MTCL1: variants seen among roughly 807,000 people sequenced by gnomAD.
MTCL1 encodes microtubule crosslinking factor 1.
MTCL1 carries 79 observed loss-of-function variants against 141.4 expected under a neutral mutation model. That is an observed-to-expected ratio of 0.56 (90% confidence interval 0.47 to 0.67). The LOEUF (loss-of-function observed/expected upper bound fraction) is 0.67, where lower values mean the gene tolerates loss of function less well. MTCL1 is among the 30% of genes least tolerant of loss of function. The probability of loss-of-function intolerance (pLI) is 0.00; values close to 1 mark genes in which losing one functional copy is unlikely to be tolerated. For synonymous variants in MTCL1, 914 were observed against 875.8 expected (o/e 1.04, Z -0.77); for missense variants, 2,177 against 2,113.9 (o/e 1.03, Z -0.59).
intron 14 of MTCL1, among the ~76,000 whole-genome samples, chr18:8,823,801 G>A (rs553906094): frequency 1.9e-4 from 29 of 152,280 alleles, no homozygotes; most frequent in South Asian, 4.2e-4. Flanking sequence ...GTGTACCAGC[G>A]CACACGGTAC....
chr18:8,706,272 C>G, exon 1 of MTCL1: 1 of 1,229,378 alleles, frequency 8.1e-7, no homozygotes, highest in Non-Finnish European at 1.0e-6. Flanking sequence ...CGCGCATCAG[C>G]CACACGGACA....
At chr18:8,735,915 T>A (rs901749140) in intron 4 of MTCL1, among the ~76,000 whole-genome samples, 1 of 152,180 alleles carries the variant, frequency 6.6e-6, no homozygotes, top group African/African-American at 2.4e-5. Flanking sequence ...ATATATATTT[T>A]TTTTAACCAA....
chr18:8,825,526 T>C lies in MTCL1; in HGVS notation c.4016T>C (p.Val1339Ala). The C allele has an allele frequency of 8.1e-6, 13 of 1,612,208 alleles. No homozygotes were observed. In the South Asian group the frequency reaches 1.4e-4, roughly 18 times the overall value. Residue 1339 changes from valine to alanine, a missense_variant, in exon 15 of 17, where the codon GTC becomes GCC. By Grantham distance (64) the Val-to-Ala change is moderately conservative. Coordinates refer to ENST00000359865, the Ensembl canonical transcript of MTCL1. ...ACTGAAGCCCTGCGTGGCAGCGGTG[T>C]CACCAGCAGCCCCCACAAGTGTCTC...
intron 4 of MTCL1, among the ~76,000 whole-genome samples, chr18:8,762,072 A>G (rs2096435149): frequency 6.6e-6 from 1 of 152,190 alleles, no homozygotes. Context: ...TTGTTTATCC[A>G]TCCAGGTGTT....
chr18:8,802,570 A>C (rs1415224833), intron 10 of MTCL1, among the ~76,000 whole-genome samples: 1 of 152,210 alleles, frequency 6.6e-6, no homozygotes, highest in Non-Finnish European at 1.5e-5. Flanking sequence ...ACTTTCTATT[A>C]GTAATACTTA....
At chr18:8,762,274 G>A (rs1181180079) in intron 4 of MTCL1, among the ~76,000 whole-genome samples, 1 of 152,240 alleles carries the variant, frequency 6.6e-6, no homozygotes, top group East Asian at 1.9e-4. Flanking sequence ...ATGAGGGCAG[G>A]CACCAGGCAT....
intron 10 of MTCL1, among the ~76,000 whole-genome samples, chr18:8,799,097 G>A (rs1044758129): frequency 1.3e-5 from 2 of 152,234 alleles, no homozygotes; most frequent in African/African-American, 4.8e-5. Flanking sequence ...CGCAGGGGCA[G>A]GTGGCCACGG....
At chr18:8,739,777 G>A (rs2096292371) in intron 4 of MTCL1, among the ~76,000 whole-genome samples, 1 of 152,160 alleles carries the variant, frequency 6.6e-6, no homozygotes, top group East Asian at 1.9e-4. Flanking sequence ...CTGTCACCAG[G>A]CTGGAGTGCA....
In MTCL1 at chr18:8,722,054, T is replaced by C. The variant is rs924547813; in HGVS notation, c.357+1558T>C. Among the ~76,000 whole-genome samples, 8 of 152,304 alleles carry C rather than the reference T, an allele frequency of 5.3e-5. No homozygotes were observed. In the East Asian group the frequency reaches 5.8e-4, roughly 11 times the overall value. On this transcript the variant is annotated intron_variant, in intron 4 of 16. Transcript: ENST00000359865. ...CCCCTTAACTTAGACTTGTGTCTGC[T>C]CCCAGGACTCGAGGAATTTGTCCTC...
intron 4 of MTCL1, among the ~76,000 whole-genome samples, chr18:8,747,812 C>T (rs1477783278): frequency 1.3e-5 from 2 of 152,176 alleles, no homozygotes; most frequent in Non-Finnish European, 2.9e-5. Context: ...TCAGTGGGCT[C>T]GCATTTTCTG....
At chr18:8,818,829 T>G (rs543732267) in intron 12 of MTCL1, 134 bp from the exon 12 acceptor site, 1 of 921,630 alleles carries the variant, frequency 1.1e-6, no homozygotes, top group Admixed American at 2.4e-5. Flanking sequence ...ATCAGAACTT[T>G]AAGAACATTT....
chr18:8,706,759 G>A (rs1224555260), intron 1 of MTCL1, 46 bp downstream of exon 1: 1 of 1,538,462 alleles, frequency 6.5e-7, no homozygotes, highest in African/African-American at 1.4e-5. Context: ...CCCCCGGAGG[G>A]CCTGGCTGCG....
intron 4 of MTCL1, among the ~76,000 whole-genome samples, chr18:8,752,885 A>G (rs2096379051): frequency 6.6e-6 from 1 of 152,200 alleles, no homozygotes; most frequent in South Asian, 2.1e-4. Context: ...ATGAGGCCTG[A>G]GTACAGTGCC....
In MTCL1 at chr18:8,706,822, C is replaced by T. The variant is rs935198754; in HGVS notation, c.1053+109C>T. 1.7e-5 allele frequency: 25 copies of T among 1,474,354 alleles called. No homozygotes were observed. The Admixed American group carries it at 5.6e-4, about 33-fold the overall frequency. 91.3% of individuals were successfully genotyped at this position (1,474,354 alleles called of 1,614,324 possible). ...GGGCCTGTCCAGCGCCTTCTCCCTC[C>T]TGCTCTCCACGGTCCTACCCCCGCA... is the stretch of plus-strand genomic sequence containing the variant. On this transcript the variant is annotated intron_variant, in intron 1 of 13. Coordinates refer to the MTCL1 transcript ENST00000306329.
chr18:8,716,847 T>A (rs924320555), upstream of MTCL1, among the ~76,000 whole-genome samples: 13 of 152,264 alleles, frequency 8.5e-5, no homozygotes, highest in African/African-American at 3.1e-4. Context: ...ATGAAACTAG[T>A]CAAGAAAATC....
chr18:8,829,318 G>T (rs1423492030), intron 16 of MTCL1: 1 of 985,264 alleles, frequency 1.0e-6, no homozygotes, highest in African/African-American at 1.7e-5. Flanking sequence ...GGGGGTCTTT[G>T]GGCCCAGCCA....
At chr18:8,749,409 G>A (rs895040483) in intron 4 of MTCL1, among the ~76,000 whole-genome samples, 1 of 152,228 alleles carries the variant, frequency 6.6e-6, no homozygotes, top group Non-Finnish European at 1.5e-5. Context: ...GGACCACATG[G>A]ATCTAGGGTC....
At chr18:8,759,848 G>A (rs2096421467) in intron 4 of MTCL1, among the ~76,000 whole-genome samples, 1 of 152,148 alleles carries the variant, frequency 6.6e-6, no homozygotes, top group Admixed American at 6.5e-5. Context: ...CCATCAGTGA[G>A]AGGTGCACGT....
chr18:8,752,214 T>C (rs984725399), intron 4 of MTCL1, among the ~76,000 whole-genome samples: 4 of 152,214 alleles, frequency 2.6e-5, no homozygotes, highest in African/African-American at 9.6e-5. Flanking sequence ...AATCCAGTGT[T>C]TTAAGTTAGA....
Sources: gnomAD v4.1 joint callset for allele counts (sites outside exome capture counted in the v4.1 genomes callset) on GRCh38, gnomAD v4.1.1 for gene constraint, MANE v1.5 for transcripts, NCBI Gene and HGNC (gene_info 2026-07-23, HGNC 2026-07-21) for gene names.